Variants in TENM4 observed in about 807,000 individuals in gnomAD.
The protein encoded by TENM4 is teneurin-4.
TENM4 carries 82 observed loss-of-function variants against 243.3 expected under a neutral mutation model. That is an observed-to-expected ratio of 0.34 (90% CI 0.28 to 0.40). The LOEUF (loss-of-function observed/expected upper bound fraction) is 0.40. Among genes scored for constraint, TENM4 ranks in the 10% least tolerant of loss-of-function variants. The pLI is 1.00. For missense variants in TENM4, 3,138 were observed against 3,673.3 expected (o/e 0.85, Z 3.77); for synonymous variants, 1,412 against 1,456.3 (o/e 0.97, Z 0.69).
intron 4 of TENM4, among the ~76,000 whole-genome samples, chr11:79,142,561 A>T (rs985311503): frequency 1.3e-5 from 2 of 152,130 alleles, no homozygotes; most frequent in Non-Finnish European, 2.9e-5. Context: ...TGCTACCAAA[A>T]GGAATCCACA....
At chr11:79,266,769 G>T (rs1246497404) in intron 2 of TENM4, among the ~76,000 whole-genome samples, 1 of 152,170 alleles carries the variant, frequency 6.6e-6, no homozygotes, top group African/African-American at 2.4e-5. Context: ...CAAGGAGACT[G>T]ATAAGACTTT....
intron 19 of TENM4, among the ~76,000 whole-genome samples, chr11:78,740,982 G>A (rs1358999786): frequency 1.3e-5 from 2 of 152,230 alleles, no homozygotes; most frequent in Non-Finnish European, 2.9e-5. Context: ...TTGACTCCCT[G>A]GACGCCGATA....
chr11:79,422,889 T>A lies in TENM4; in HGVS notation c.-321+17620A>T, dbSNP rs922012925. On this transcript the variant is annotated intron_variant, in intron 1 of 33. Transcript: ENST00000278550. ...AAGGCAGGCATTTGCTTGTCACCTC[T>A]ACATTTTAAAACAGCCTTCTGATAG... 9.2e-5 allele frequency among the ~76,000 whole-genome samples: 14 copies of A among 152,310 alleles called. 1 individual carries two copies. Among genetic ancestry groups the A allele is most frequent in the Admixed American group, 8.5e-4 (13 of 15,302 alleles).
intron 19 of TENM4, among the ~76,000 whole-genome samples, chr11:78,740,719 T>A (rs553716485): frequency 6.6e-6 from 1 of 152,344 alleles, no homozygotes; most frequent in Non-Finnish European, 1.5e-5. Flanking sequence ...CATATGTGCC[T>A]CTGGATTCTG....
intron 2 of TENM4, among the ~76,000 whole-genome samples, chr11:79,249,358 T>G (rs188264836): frequency 6.6e-6 from 1 of 152,328 alleles, no homozygotes; most frequent in African/African-American, 2.4e-5. Flanking sequence ...TAATTCCAAA[T>G]CTAGCCCATG....
Position 78,657,997 on chromosome 11 carries a change from A to G in TENM4, c.*61T>C. On this transcript the variant is annotated 3_prime_UTR_variant, in exon 34 of 34. Coordinates refer to ENST00000278550, the MANE Select transcript of TENM4 (RefSeq NM_001098816.3). ...AATCATTTTTTTAAAAGTACAACAC[A>G]GTCAGGTATGCGGCCACAAAAGAGT... 4 of 1,606,034 alleles carry G rather than the reference A, an allele frequency of 2.5e-6. No homozygotes were observed. Among genetic ancestry groups the G allele is most frequent in the Non-Finnish European group, 3.4e-6 (4 of 1,174,450 alleles).
intron 1 of TENM4, among the ~76,000 whole-genome samples, chr11:79,389,170 T>C (rs1348227144): frequency 1.3e-5 from 2 of 152,054 alleles, no homozygotes; most frequent in African/African-American, 4.8e-5. Context: ...GTTTGTTTGT[T>C]TGTTTGAGAA....
At chr11:79,025,487 C>CAAT (rs1859055491) in intron 6 of TENM4, among the ~76,000 whole-genome samples, 2 of 152,164 alleles carry the variant, frequency 1.3e-5, no homozygotes, top group Non-Finnish European at 2.9e-5. Flanking sequence ...TTGCCCAAGG[C>CAAT]CATGGAGACA....
At chr11:78,800,608 G>T (rs1180638286) in intron 15 of TENM4, among the ~76,000 whole-genome samples, 1 of 152,062 alleles carries the variant, frequency 6.6e-6, no homozygotes, top group Non-Finnish European at 1.5e-5. Context: ...TGTGTTTCCA[G>T]GGGGCTCTTT....
At chr11:79,244,475 G>A (rs1308696402) in intron 2 of TENM4, among the ~76,000 whole-genome samples, 3 of 152,112 alleles carry the variant, frequency 2.0e-5, no homozygotes, top group South Asian at 2.1e-4. Flanking sequence ...GTGGTGTGAC[G>A]AGTCTCCAAA....
chr11:79,365,585 G>A (rs12292241), intron 1 of TENM4, among the ~76,000 whole-genome samples: 40,402 of 152,052 alleles, frequency 0.27, 5,546 homozygotes, highest in African/African-American at 0.33. Flanking sequence ...TCTGGGCCAG[G>A]CGCTGAGGAC....
intron 19 of TENM4, among the ~76,000 whole-genome samples, chr11:78,748,031 C>A (rs1191570460): frequency 6.6e-6 from 1 of 152,180 alleles, no homozygotes; most frequent in East Asian, 1.9e-4. Flanking sequence ...GGTCCATTCA[C>A]CCCTGCCATC....
In TENM4 at chr11:78,713,610, C is replaced by T. The variant is rs77924274; in HGVS notation, c.3822-896G>A. On this transcript the variant is annotated intron_variant, in intron 25 of 33. Transcript: ENST00000278550. ...GCAAGTTACCCGACCTCCTGAGCCTCGAATAGTCCTTATGTGCAAAATAGG... is the reference window on the plus strand; with the variant it reads ...GCAAGTTACCCGACCTCCTGAGCCTTGAATAGTCCTTATGTGCAAAATAGG... Among the ~76,000 whole-genome samples the T allele has an allele frequency of 8.3e-3, 1,264 of 152,202 alleles. 17 individuals are homozygous for T. Among genetic ancestry groups the T allele is most frequent in the African/African-American group, 0.028 (1,165 of 41,508 alleles).
intron 28 of TENM4, among the ~76,000 whole-genome samples, chr11:78,697,216 A>G (rs1232461682): frequency 6.6e-6 from 1 of 152,078 alleles, no homozygotes; most frequent in Non-Finnish European, 1.5e-5. Flanking sequence ...GCCAGTACAC[A>G]CTTAGCCTTT....
chr11:79,173,206 G>A (rs967895250), intron 3 of TENM4, among the ~76,000 whole-genome samples: 1 of 152,144 alleles, frequency 6.6e-6, no homozygotes, highest in Non-Finnish European at 1.5e-5. Context: ...CACATTTTTA[G>A]CTTCTGTCAC....
intron 2 of TENM4, among the ~76,000 whole-genome samples, chr11:79,236,535 G>T (rs1260939020): frequency 2.6e-5 from 4 of 152,120 alleles, no homozygotes; most frequent in African/African-American, 9.7e-5. Flanking sequence ...CAGCACTCCA[G>T]TATCACTTTG....
chr11:78,886,504 G>A (rs772089964), intron 9 of TENM4, among the ~76,000 whole-genome samples: 8 of 152,198 alleles, frequency 5.3e-5, no homozygotes, highest in Admixed American at 2.6e-4. Context: ...CACCTGCAAC[G>A]CGTTCACCTG....
chr11:78,806,654 T>C (rs1272399454), intron 14 of TENM4, among the ~76,000 whole-genome samples: 1 of 152,232 alleles, frequency 6.6e-6, no homozygotes, highest in Non-Finnish European at 1.5e-5. Flanking sequence ...AGCTAAACTC[T>C]GCCAGAGAGG....
intron 6 of TENM4, among the ~76,000 whole-genome samples, chr11:79,025,497 A>C (rs1342100986): frequency 6.6e-6 from 1 of 152,222 alleles, no homozygotes. Flanking sequence ...CCATGGAGAC[A>C]GCATAAGTAG....
Sources: allele counts gnomAD v4.1 joint callset (sites outside exome capture counted in the v4.1 genomes callset), GRCh38; gene constraint gnomAD v4.1.1; transcripts MANE v1.5; gene names NCBI Gene and HGNC (gene_info 2026-07-23, HGNC 2026-07-21).